The following SLC17A8 variants were observed in gnomAD, a reference collection of about 807,000 sequenced individuals.
SLC17A8 encodes the protein solute carrier family 17 member 8.
Under a neutral mutation model 58.0 loss-of-function variants are expected in SLC17A8, and 31 were observed. The ratio of observed to expected loss-of-function variants is 0.53; its 90% confidence interval spans 0.40 to 0.72. SLC17A8 has a LOEUF of 0.72. Among genes scored for constraint, SLC17A8 ranks in the 30% least tolerant of loss-of-function variants. SLC17A8 has a pLI of 0.00. For synonymous variants in SLC17A8, 228 were observed against 249.0 expected (o/e 0.92, Z 0.79); for missense variants, 655 against 727.8 (o/e 0.90, Z 1.15).
At chr12:100,407,527 C>T (rs979919996) in intron 9 of SLC17A8, among the ~76,000 whole-genome samples, 6 of 152,116 alleles carry the variant, frequency 3.9e-5, no homozygotes, top group Admixed American at 3.3e-4. Context: ...CTTTCTGCCT[C>T]ATCTCCCATC....
intron 1 of SLC17A8, among the ~76,000 whole-genome samples, chr12:100,358,172 T>A (rs1332464482): frequency 1.3e-5 from 2 of 152,202 alleles, no homozygotes; most frequent in Non-Finnish European, 2.9e-5. Flanking sequence ...AATGTGACAG[T>A]TTAATTTATG....
rs1198995946 is a variant in SLC17A8 at position 100,418,079 on chromosome 12, A to T, written c.1348A>T (p.Met450Leu). The change falls in exon 11 of 12, where the codon ATG becomes TTG. Residue 450 changes from methionine (M) to leucine (L), a missense_variant. By Grantham distance (15) the Met-to-Leu change is conservative. Coordinates refer to ENST00000323346, the MANE Select transcript of SLC17A8 (RefSeq NM_139319.3). ...DIAPRYASIL[M>L]GISNGVGTLS... ...TGCCCCACGCTATGCCAGCATTCTC[A>T]TGGGGATCTCAAACGGAGTGGGAAC... 6.2e-7 allele frequency: 1 copy of T among 1,614,096 alleles called. No homozygotes were observed. The highest frequency in any genetic ancestry group is 1.3e-5 in the African/African-American group (1 of 75,036).
rs140411895 is a variant in SLC17A8 at position 100,405,901 on chromosome 12, C to A, written c.1186+1731C>A. ...GTGGCTCACTCCTGCAATCCTAGCA[C>A]TTTGGGAGGTTGAGGCGGGCAGACC... On this transcript the variant is annotated intron_variant, in intron 9 of 11. Transcript: ENST00000323346. 7.9e-3 allele frequency among the ~76,000 whole-genome samples: 1,202 copies of A among 152,238 alleles called. 19 individuals are homozygous for A. Among genetic ancestry groups the A allele is most frequent in the African/African-American group, 0.027 (1,135 of 41,528 alleles).
intron 1 of SLC17A8, among the ~76,000 whole-genome samples, chr12:100,360,532 T>G (rs956742709): frequency 6.6e-6 from 1 of 152,184 alleles, no homozygotes; most frequent in African/African-American, 2.4e-5. Context: ...ACTCCTGGCC[T>G]CAAGCCATAC....
chr12:100,414,840 G>GAAT (rs1952894963), intron 10 of SLC17A8, among the ~76,000 whole-genome samples: 2 of 152,214 alleles, frequency 1.3e-5, no homozygotes, highest in Non-Finnish European at 1.5e-5. Context: ...AGATATTTCA[G>GAAT]AATGCAGATT....
At position 100,381,209 on chromosome 12, in the gene SLC17A8, T is replaced by C. The variant is rs554728767; in HGVS notation, c.354+256T>C. ...CTACAATCCTGAGGAAACTGTTGAC[T>C]GCAGCTGTGTCAATACTTTGCTCCT... On this transcript the variant is annotated intron_variant, in intron 2 of 11. Coordinates refer to ENST00000323346, the MANE Select transcript of SLC17A8 (RefSeq NM_139319.3). Among the ~76,000 whole-genome samples, 105 of 152,312 alleles carry C rather than the reference T, an allele frequency of 6.9e-4. 2 individuals are homozygous for C. In the South Asian group the frequency reaches 0.02, roughly 29 times the overall value.
intron 5 of SLC17A8, among the ~76,000 whole-genome samples, chr12:100,399,715 G>A (rs928244297): frequency 1.3e-5 from 2 of 152,142 alleles, no homozygotes; most frequent in African/African-American, 4.8e-5. Context: ...CCTCCCACCA[G>A]GTTCTTCCCT....
intron 9 of SLC17A8, among the ~76,000 whole-genome samples, chr12:100,409,298 G>A (rs1263280894): frequency 2.6e-5 from 4 of 152,146 alleles, no homozygotes; most frequent in South Asian, 2.1e-4. Context: ...TGATTCTCCC[G>A]CCTCAGCCTC....
chr12:100,372,581 A>G (rs1952565618), intron 1 of SLC17A8, among the ~76,000 whole-genome samples: 1 of 152,236 alleles, frequency 6.6e-6, no homozygotes, highest in Non-Finnish European at 1.5e-5. Context: ...GGCCTCATTT[A>G]ACCATAATTA....
At chr12:100,411,440 G>A (rs143783392) in intron 9 of SLC17A8, among the ~76,000 whole-genome samples, 54 of 152,148 alleles carry the variant, frequency 3.5e-4, no homozygotes, top group African/African-American at 1.1e-3. Flanking sequence ...AGATCATGCC[G>A]TTGCACTCCA....
At chr12:100,414,337 G>T (rs1952891435) in intron 10 of SLC17A8, among the ~76,000 whole-genome samples, 1 of 152,088 alleles carries the variant, frequency 6.6e-6, no homozygotes, top group Non-Finnish European at 1.5e-5. Context: ...TAGAGTTGAT[G>T]AATAAATTAG....
chr12:100,389,829 T>C (rs1458284700), intron 2 of SLC17A8, among the ~76,000 whole-genome samples: 1 of 150,012 alleles, frequency 6.7e-6, no homozygotes, highest in Non-Finnish European at 1.5e-5. Context: ...TTATTATTAT[T>C]ATTACTATTG....
intron 1 of SLC17A8, among the ~76,000 whole-genome samples, chr12:100,364,775 T>A (rs1566385223): frequency 6.6e-6 from 1 of 152,206 alleles, no homozygotes; most frequent in Non-Finnish European, 1.5e-5. Flanking sequence ...TATGAGTCCA[T>A]GTATATCCTT....
At chr12:100,412,726 G>A (rs776660613) in intron 9 of SLC17A8, 44 bp from the exon 10 acceptor site, 6 of 1,273,806 alleles carry the variant, frequency 4.7e-6, no homozygotes, top group East Asian at 2.3e-5. Context: ...TGGGTTGACC[G>A]ATATGAAAAT....
At chr12:100,407,902 G>A (rs1050038355) in intron 9 of SLC17A8, among the ~76,000 whole-genome samples, 4 of 152,046 alleles carry the variant, frequency 2.6e-5, no homozygotes, top group African/African-American at 9.7e-5. Context: ...CACCGTGCCC[G>A]GCCATTCTTT....
rs576501109 is a variant in SLC17A8, at chr12:100,361,461, T to C, written c.101+3969T>C. 2.6e-5 allele frequency among the ~76,000 whole-genome samples: 4 copies of C among 152,338 alleles called. No homozygotes were observed. In the South Asian group the frequency reaches 8.3e-4, roughly 32 times the overall value. On this transcript the variant is annotated intron_variant, in intron 1 of 11. Coordinates refer to ENST00000323346, the MANE Select transcript of SLC17A8 (RefSeq NM_139319.3). Reference sequence around the variant, plus strand: ...CTTTCTTCAAGTATGTGCTCAAAGATCCCCACTTTCCTGGCCATTCTATTT... The same window carrying C: ...CTTTCTTCAAGTATGTGCTCAAAGACCCCCACTTTCCTGGCCATTCTATTT...
chr12:100,385,552 T>C (rs1952668470), intron 2 of SLC17A8, among the ~76,000 whole-genome samples: 1 of 152,162 alleles, frequency 6.6e-6, no homozygotes, highest in Non-Finnish European at 1.5e-5. Context: ...TGGCTGTCTC[T>C]ACTCAGGTGT....
At chr12:100,377,944 T>C (rs141116600) in intron 1 of SLC17A8, among the ~76,000 whole-genome samples, 48 of 152,318 alleles carry the variant, frequency 3.2e-4, no homozygotes, top group African/African-American at 1.1e-3. Context: ...TCATTACTTA[T>C]GATGAGAATA....
chr12:100,375,123 A>G (rs552911457), intron 1 of SLC17A8, among the ~76,000 whole-genome samples: 1 of 149,340 alleles, frequency 6.7e-6, no homozygotes, highest in African/African-American at 2.5e-5. Context: ...AGATACCAAG[A>G]CAGGACTCGG....
Sources: gnomAD v4.1 joint callset for allele counts (sites outside exome capture counted in the v4.1 genomes callset) on GRCh38, gnomAD v4.1.1 for gene constraint, MANE v1.5 for transcripts, NCBI Gene and HGNC (gene_info 2026-07-23, HGNC 2026-07-21) for gene names.